Variants in NRXN3 observed in about 807,000 individuals in gnomAD.
NRXN3 encodes the protein neurexin 3.
In NRXN3, 32 loss-of-function variants were observed where a neutral mutation model predicts 137.6. The observed-to-expected ratio is 0.23, with a 90% CI of 0.18 to 0.31. The LOEUF is 0.31. NRXN3 is among the 10% of genes least tolerant of loss of function. The probability of loss-of-function intolerance (pLI) is 1.00; values close to 1 mark genes in which losing one functional copy is unlikely to be tolerated. For synonymous variants in NRXN3, 798 were observed against 784.5 expected (o/e 1.02, Z -0.29); for missense variants, 1,574 against 2,062.5 (o/e 0.76, Z 4.59).
chr14:78,174,362 C>T (rs139730068), intron 1 of NRXN3, among the ~76,000 whole-genome samples: 20 of 152,154 alleles, frequency 1.3e-4, no homozygotes, highest in African/African-American at 4.3e-4. Flanking sequence ...TGGGCTGTGT[C>T]GAACCAGAGG....
chr14:78,835,235 T>C (rs1567459426), intron 10 of NRXN3, among the ~76,000 whole-genome samples: 1 of 152,084 alleles, frequency 6.6e-6, no homozygotes, highest in Non-Finnish European at 1.5e-5. Flanking sequence ...CAAAAATAGC[T>C]CAGCTCTGCT....
intron 5 of NRXN3, among the ~76,000 whole-genome samples, chr14:78,649,468 G>T (rs1173956931): frequency 2.7e-5 from 4 of 146,330 alleles, no homozygotes; most frequent in Admixed American, 7.0e-5. Context: ...AAAAAAAATG[G>T]AAGGGGATGC....
At chr14:79,633,494 T>G (rs1398993348) in intron 16 of NRXN3, among the ~76,000 whole-genome samples, 1 of 152,196 alleles carries the variant, frequency 6.6e-6, no homozygotes, top group Admixed American at 6.5e-5. Flanking sequence ...TGGAGTTGTA[T>G]CTCCCTCATT....
At chr14:79,752,709 T>C (rs2099002480) in intron 19 of NRXN3, among the ~76,000 whole-genome samples, 1 of 151,894 alleles carries the variant, frequency 6.6e-6, no homozygotes, top group Non-Finnish European at 1.5e-5. Context: ...AAAGCCAAAA[T>C]TGACAAATGG....
At chr14:78,811,983 C>A (rs1418222475) in intron 10 of NRXN3, among the ~76,000 whole-genome samples, 1 of 152,090 alleles carries the variant, frequency 6.6e-6, no homozygotes, top group Non-Finnish European at 1.5e-5. Flanking sequence ...CTGGAGTTTT[C>A]TGTTCCTGTT....
chr14:79,454,436 G>C (rs1420090694), intron 15 of NRXN3, among the ~76,000 whole-genome samples: 7 of 151,920 alleles, frequency 4.6e-5, no homozygotes, highest in Non-Finnish European at 8.8e-5. Context: ...GGCTGGTCTC[G>C]AACTCCCAAC....
chr14:78,345,159 C>T (rs1008591440), intron 4 of NRXN3, among the ~76,000 whole-genome samples: 1 of 151,970 alleles, frequency 6.6e-6, no homozygotes, highest in Admixed American at 6.6e-5. Context: ...GTGGCCCACA[C>T]TTGGGGGGCA....
chr14:78,918,216 C>A (rs1281307593), intron 10 of NRXN3, among the ~76,000 whole-genome samples: 3 of 132,846 alleles, frequency 2.3e-5, no homozygotes, highest in Non-Finnish European at 4.6e-5. Flanking sequence ...ACCTGGGAGG[C>A]AGAGGTTGCA....
At chr14:78,908,289 A>G (rs2099225043) in intron 10 of NRXN3, among the ~76,000 whole-genome samples, 2 of 152,098 alleles carry the variant, frequency 1.3e-5, no homozygotes, top group Non-Finnish European at 2.9e-5. Flanking sequence ...GAATTTATTT[A>G]GTCCAATGTT....
At chr14:78,516,967 A>G (rs2096217843) in intron 4 of NRXN3, among the ~76,000 whole-genome samples, 1 of 152,170 alleles carries the variant, frequency 6.6e-6, no homozygotes, top group African/African-American at 2.4e-5. Flanking sequence ...AGTCTGAAAA[A>G]GAAGGGCATG....
intron 15 of NRXN3, among the ~76,000 whole-genome samples, chr14:79,209,880 A>T (rs2067386158): frequency 6.6e-6 from 1 of 152,198 alleles, no homozygotes; most frequent in African/African-American, 2.4e-5. Context: ...CACTGTTAAG[A>T]GACAAAATAT....
intron 15 of NRXN3, among the ~76,000 whole-genome samples, chr14:79,160,737 T>C (rs1168468953): frequency 1.3e-5 from 2 of 151,842 alleles, no homozygotes; most frequent in Admixed American, 6.6e-5. Flanking sequence ...AAAATGATAC[T>C]CAGATACTTA....
At chr14:79,687,105 T>C (rs1444830321) in intron 17 of NRXN3, among the ~76,000 whole-genome samples, 2 of 152,220 alleles carry the variant, frequency 1.3e-5, no homozygotes, top group Non-Finnish European at 2.9e-5. Context: ...ATAGTTCTTT[T>C]TCCTTCTGCC....
chr14:78,270,509 G>A (rs1485862095), intron 2 of NRXN3, among the ~76,000 whole-genome samples: 1 of 152,176 alleles, frequency 6.6e-6, no homozygotes, highest in African/African-American at 2.4e-5. Context: ...CTGCCGTGTG[G>A]GAGACTACTG....
At chr14:78,652,886 T>C (rs1003523706) in intron 6 of NRXN3, among the ~76,000 whole-genome samples, 4 of 152,218 alleles carry the variant, frequency 2.6e-5, no homozygotes, top group Admixed American at 2.6e-4. Context: ...GGAGATGAGA[T>C]CAGTGAGTGA....
At chr14:79,030,372 A>G (rs2099605774) in intron 15 of NRXN3, among the ~76,000 whole-genome samples, 1 of 151,998 alleles carries the variant, frequency 6.6e-6, no homozygotes, top group Non-Finnish European at 1.5e-5. Context: ...TCAGATTCCC[A>G]GGGAAAGACT....
In NRXN3 at chr14:79,022,510, T is replaced by C. The variant is rs1035555807; in HGVS notation, c.3262+34369T>C. ...AAAAGCAAGATTTCTAGTGTCATAT[T>C]ATTGGGAACACACACGAAGCCAGAA... is the stretch of plus-strand genomic sequence containing the variant. On this transcript the variant is annotated intron_variant, in intron 15 of 20. Transcript: ENST00000335750. Among the ~76,000 whole-genome samples, 6 of 152,152 alleles carry C rather than the reference T, an allele frequency of 3.9e-5. No individual in the cohort carries two copies. In the East Asian group the frequency reaches 1.2e-3, roughly 29 times the overall value.
At chr14:79,647,864 C>A (rs1207393344) in intron 16 of NRXN3, among the ~76,000 whole-genome samples, 1 of 134,960 alleles carries the variant, frequency 7.4e-6, no homozygotes, top group East Asian at 2.0e-4. Flanking sequence ...AGTATTTTTT[C>A]AGCATTGAAG....
intron 19 of NRXN3, among the ~76,000 whole-genome samples, chr14:79,764,727 A>G (rs962947711): frequency 6.6e-6 from 1 of 152,124 alleles, no homozygotes; most frequent in African/African-American, 2.4e-5. Context: ...TGGCAGGCTG[A>G]TGGCCAGGCT....
Sources: allele counts gnomAD v4.1 joint callset (sites outside exome capture counted in the v4.1 genomes callset), GRCh38; gene constraint gnomAD v4.1.1; transcripts MANE v1.5; gene names NCBI Gene and HGNC (gene_info 2026-07-23, HGNC 2026-07-21).